CDH10: variants seen among roughly 807,000 people sequenced by gnomAD.
The protein encoded by CDH10 is cadherin-10.
CDH10 carries 30 observed loss-of-function variants against 73.1 expected under a neutral mutation model. The observed-to-expected ratio is 0.41, with a 90% CI of 0.31 to 0.56. CDH10 has a LOEUF of 0.56. Ranked by LOEUF, CDH10 falls within the 20% of genes least tolerant of loss-of-function variation. The probability of loss-of-function intolerance (pLI) is 0.27; values close to 1 mark genes in which losing one functional copy is unlikely to be tolerated. For missense variants in CDH10, 815 were observed against 973.7 expected, an observed-to-expected ratio of 0.84 and a Z score of 2.17; for synonymous variants, 345 against 348.2, an observed-to-expected ratio of 0.99 and a Z score of 0.10.
chr5:24,586,944 A>C (rs1000688082), intron 2 of CDH10, among the ~76,000 whole-genome samples: 1 of 139,974 alleles, frequency 7.1e-6, no homozygotes, highest in Non-Finnish European at 1.5e-5. Context: ...TCCCGGGTTC[A>C]CGCCATTCTC....
At chr5:24,493,228 C>G (rs915912987) in intron 9 of CDH10, among the ~76,000 whole-genome samples, 1 of 151,834 alleles carries the variant, frequency 6.6e-6, no homozygotes, top group Admixed American at 6.6e-5. Context: ...TGCATTTACA[C>G]ATTGATCTGG....
intron 1 of CDH10, among the ~76,000 whole-genome samples, chr5:24,597,022 A>T (rs1746393600): frequency 6.6e-6 from 1 of 152,064 alleles, no homozygotes; most frequent in African/African-American, 2.4e-5. Flanking sequence ...TGCTAAAATT[A>T]ATGAAATTCT....
chr5:24,550,735 G>A (rs1264360366), intron 2 of CDH10, among the ~76,000 whole-genome samples: 1 of 152,002 alleles, frequency 6.6e-6, no homozygotes, highest in Non-Finnish European at 1.5e-5. Flanking sequence ...TTACTAACCT[G>A]CATGATAATC....
chr5:24,603,907 G>A (rs1241193796), intron 1 of CDH10, among the ~76,000 whole-genome samples: 1 of 152,158 alleles, frequency 6.6e-6, no homozygotes, highest in African/African-American at 2.4e-5. Context: ...CAAATGGCAT[G>A]ATCCTGAACA....
chr5:24,487,662 G>T lies in CDH10; in HGVS notation c.*1C>A, dbSNP rs755023467. 6.2e-7 allele frequency: 1 copy of T among 1,608,696 alleles called. No homozygotes were observed. The highest frequency in any genetic ancestry group is 8.5e-7 in the Non-Finnish European group (1 of 1,176,966). Reference sequence around the variant, plus strand: ...TGTTTGAACAGAACATATATCCTACGTTAAGAGTCTTTGTCACTTTCCCCA... The same window carrying T: ...TGTTTGAACAGAACATATATCCTACTTTAAGAGTCTTTGTCACTTTCCCCA... On this transcript the variant is annotated 3_prime_UTR_variant, in exon 12 of 12. Transcript: ENST00000264463.
At chr5:24,494,740 A>T (rs1245863360) in intron 9 of CDH10, among the ~76,000 whole-genome samples, 1 of 152,068 alleles carries the variant, frequency 6.6e-6, no homozygotes, top group Non-Finnish European at 1.5e-5. Flanking sequence ...ATTAAAATGT[A>T]TTTTAATCAA....
At chr5:24,552,882 C>T (rs1014822973) in intron 2 of CDH10, among the ~76,000 whole-genome samples, 2 of 152,056 alleles carry the variant, frequency 1.3e-5, no homozygotes, top group African/African-American at 2.4e-5. Context: ...AGATAAATCT[C>T]CCAGAGCCTT....
At chr5:24,514,219 TA>T (rs1050999023) in intron 5 of CDH10, among the ~76,000 whole-genome samples, 1 of 152,134 alleles carries the variant, frequency 6.6e-6, no homozygotes, top group African/African-American at 2.4e-5. Flanking sequence ...CATTGCCCCT[TA>T]AAAACATTCA....
rs2112095099 is a variant in CDH10 at position 24,593,545 on chromosome 5, C to T, written c.-55G>A. 9.9e-7 allele frequency: 1 copy of T among 1,014,418 alleles called. No individual in the cohort carries two copies. The allele number at this position is 1,014,418 out of a possible 1,614,324, so 62.8% of individuals were successfully genotyped here. ...ATGAAGAGAAGTGGTCCTATTTTAC[C>T]CAGTTGGTTTTACTGTGTTTCAACT... On this transcript the variant is annotated 5_prime_UTR_variant, in exon 2 of 12. Coordinates refer to ENST00000264463, the MANE Select transcript of CDH10 (RefSeq NM_006727.5).
intron 2 of CDH10, among the ~76,000 whole-genome samples, chr5:24,569,421 CAT>C (rs1302846239): frequency 2.6e-5 from 4 of 151,838 alleles, no homozygotes; most frequent in Non-Finnish European, 2.9e-5. Context: ...TAAAATAAAT[CAT>C]AGGAATTTTA....
At position 24,491,571 on chromosome 5, in the gene CDH10, C is replaced by T. The variant is rs2111635582; in HGVS notation, c.1876+5G>A. On this transcript the variant is annotated splice_donor_5th_base_variant and intron_variant, in intron 11 of 11. Coordinates refer to ENST00000264463, the MANE Select transcript of CDH10 (RefSeq NM_006727.5). Reference sequence around the variant, plus strand: ...AATGCTCCCATTGTTTTTAAGGTTTCTTACCCAGTAGAATGATGATGCAGA... The same window carrying T: ...AATGCTCCCATTGTTTTTAAGGTTTTTTACCCAGTAGAATGATGATGCAGA... 3 of 1,607,542 alleles carry T rather than the reference C, an allele frequency of 1.9e-6. No homozygotes were observed. The highest frequency in any genetic ancestry group is 2.6e-6 in the Non-Finnish European group (3 of 1,175,880).
At chr5:24,520,189 T>C (rs898619545) in intron 5 of CDH10, among the ~76,000 whole-genome samples, 19 of 152,210 alleles carry the variant, frequency 1.2e-4, no homozygotes, top group African/African-American at 4.6e-4. Context: ...TATAGAATTA[T>C]TGTTTGTAAA....
chr5:24,510,332 A>G (rs1222820616), intron 6 of CDH10, among the ~76,000 whole-genome samples: 1 of 152,240 alleles, frequency 6.6e-6, no homozygotes, highest in Non-Finnish European at 1.5e-5. Flanking sequence ...CAAGATAAGA[A>G]AAACCCTCTG....
chr5:24,539,725 C>T (rs1744081931), intron 2 of CDH10, among the ~76,000 whole-genome samples: 1 of 151,966 alleles, frequency 6.6e-6, no homozygotes, highest in African/African-American at 2.4e-5. Flanking sequence ...CTCCTTTTAA[C>T]TAAAAAGCTT....
chr5:24,491,189 C>T (rs1456138390), intron 11 of CDH10, among the ~76,000 whole-genome samples: 1 of 152,176 alleles, frequency 6.6e-6, no homozygotes, highest in Non-Finnish European at 1.5e-5. Context: ...TCCATTAGAA[C>T]ATTCAGCATG....
At chr5:24,590,317 C>A (rs1746156622) in intron 2 of CDH10, among the ~76,000 whole-genome samples, 1 of 150,880 alleles carries the variant, frequency 6.6e-6, no homozygotes, top group Admixed American at 6.6e-5. Flanking sequence ...TTTAAATACA[C>A]ATATAATTTA....
At chr5:24,521,656 C>G (rs376335923) in intron 5 of CDH10, among the ~76,000 whole-genome samples, 15 of 151,934 alleles carry the variant, frequency 9.9e-5, no homozygotes, top group African/African-American at 3.1e-4. Context: ...CATGACTAGA[C>G]TATAACTCTA....
intron 1 of CDH10, among the ~76,000 whole-genome samples, chr5:24,642,977 C>A (rs372774353): frequency 3.3e-4 from 47 of 144,418 alleles, no homozygotes; most frequent in Non-Finnish European, 3.0e-4. Flanking sequence ...ATAACACAGC[C>A]AAAAAAAAAA....
intron 5 of CDH10, among the ~76,000 whole-genome samples, chr5:24,529,593 T>C (rs1000458702): frequency 1.4e-4 from 22 of 152,044 alleles, no homozygotes; most frequent in Non-Finnish European, 2.9e-5. Flanking sequence ...TTCTTTTGCG[T>C]GCATTTAGGA....
Sources: allele counts gnomAD v4.1 joint callset (sites outside exome capture counted in the v4.1 genomes callset), GRCh38; gene constraint gnomAD v4.1.1; transcripts MANE v1.5; gene names NCBI Gene and HGNC (gene_info 2026-07-23, HGNC 2026-07-21).